The following TET2 variants were observed in gnomAD, a reference collection of about 807,000 sequenced individuals.
TET2 encodes tet methylcytosine dioxygenase 2.
Under a neutral mutation model 142.9 loss-of-function variants are expected in TET2, and 299 were observed. That is an observed-to-expected ratio of 2.09 (90% CI 1.90 to 2.30). TET2 has a LOEUF of 2.30. TET2 is among the 30% of genes most tolerant of loss of function. TET2 has a pLI of 0.00. For missense variants in TET2, 2,418 were observed against 2,378.0 expected, an observed-to-expected ratio of 1.02 and a Z score of -0.35; for synonymous variants, 819 against 849.0, an observed-to-expected ratio of 0.96 and a Z score of 0.61.
Position 105,170,291 on chromosome 4 carries a change from A to G in TET2, c.-192-20069A>G, listed in dbSNP as rs571707993. On this transcript the variant is annotated intron_variant, in intron 1 of 10. Transcript: ENST00000380013. ...CAGCATACCAAACAGTGGCTAGCAC[A>G]TGGTGAGCACTCAATAAATATTTGG... is the stretch of plus-strand genomic sequence containing the variant. Among the ~76,000 whole-genome samples the G allele has an allele frequency of 1.9e-4, 29 of 152,322 alleles. 2 individuals are homozygous for G. In the South Asian group the frequency reaches 6.0e-3, roughly 32 times the overall value.
At chr4:105,193,159 C>T (rs1725886051) in intron 2 of TET2, among the ~76,000 whole-genome samples, 1 of 152,082 alleles carries the variant, frequency 6.6e-6, no homozygotes, top group Non-Finnish European at 1.5e-5. Flanking sequence ...AGGGCATGGC[C>T]TGGATCCTGA....
chr4:105,154,904 AGTT>A (rs1723486484), intron 1 of TET2, among the ~76,000 whole-genome samples: 1 of 152,106 alleles, frequency 6.6e-6, no homozygotes, highest in Non-Finnish European at 1.5e-5. Context: ...ACATCCCTGT[AGTT>A]CCAGGTACTT....
At chr4:105,217,872 A>G (rs994681324) in intron 2 of TET2, among the ~76,000 whole-genome samples, 2 of 151,990 alleles carry the variant, frequency 1.3e-5, no homozygotes, top group African/African-American at 4.8e-5. Context: ...CTGCACTTAT[A>G]AAGAGACATG....
chr4:105,203,584 G>C (rs889768575), intron 2 of TET2, among the ~76,000 whole-genome samples: 2 of 150,060 alleles, frequency 1.3e-5, no homozygotes, highest in African/African-American at 2.5e-5. Flanking sequence ...ACACAGAAGG[G>C]AGTGCCTGGC....
Position 105,275,450 on chromosome 4 carries a change from G to A in TET2, c.4940G>A (p.Gly1647Asp), listed in dbSNP as rs1560573482. The change falls in exon 11 of 11, where the codon GGT becomes GAT. Residue 1647 changes from glycine (G) to aspartate (D), a missense_variant. Physicochemically the swap from Gly to Asp is moderately conservative, Grantham distance 94. Coordinates refer to ENST00000380013, the MANE Select transcript of TET2 (RefSeq NM_001127208.3). ...LSVDNCSPYL[G>D]SYSPQSQPMD... Reference sequence around the variant, plus strand: ...GTGGACAACTGCTCCCCATATCTGGGTTCCTATTCTCCCCAGTCTCAGCCG... The same window carrying A: ...GTGGACAACTGCTCCCCATATCTGGATTCCTATTCTCCCCAGTCTCAGCCG... 6.4e-7 allele frequency: 1 copy of A among 1,551,608 alleles called. No individual in the cohort carries two copies.
Position 105,234,299 on chromosome 4 carries a change from T to C in TET2, c.357T>C (p.Asn119=). Residue 119 remains asparagine, a synonymous_variant, in exon 3 of 11, where the codon AAT becomes AAC. Coordinates refer to ENST00000380013, the MANE Select transcript of TET2 (RefSeq NM_001127208.3). ...IKKLKQDQKA[N]GERRNFGVSQ... ...AATTGAAACAAGACCAAAAGGCTAA[T>C]GGAGAAAGACGTAACTTCGGGGTAA... is the stretch of plus-strand genomic sequence containing the variant. The C allele has an allele frequency of 6.2e-7, 1 of 1,614,084 alleles. No homozygotes were observed. The highest frequency in any genetic ancestry group is 8.5e-7 in the Non-Finnish European group (1 of 1,180,002).
intron 2 of TET2, among the ~76,000 whole-genome samples, chr4:105,208,854 C>G (rs140006049): frequency 1.3e-5 from 2 of 151,382 alleles, no homozygotes; most frequent in African/African-American, 4.8e-5. Flanking sequence ...GTCTTCTTCC[C>G]CCAAAGAACG....
At chr4:105,212,781 G>C (rs1027970433) in intron 2 of TET2, among the ~76,000 whole-genome samples, 2 of 152,136 alleles carry the variant, frequency 1.3e-5, no homozygotes, top group Admixed American at 1.3e-4. Flanking sequence ...CCTGAAGTCA[G>C]GAGTTCAAAA....
intron 8 of TET2, among the ~76,000 whole-genome samples, chr4:105,265,539 G>A (rs887865958): frequency 2.0e-5 from 3 of 152,120 alleles, no homozygotes; most frequent in African/African-American, 4.8e-5. Flanking sequence ...TGAACTGAAC[G>A]GCCACAAAGC....
chr4:105,189,411 CAA>C (rs756020173), intron 1 of TET2, among the ~76,000 whole-genome samples: 4 of 152,168 alleles, frequency 2.6e-5, no homozygotes, highest in Non-Finnish European at 4.4e-5. Flanking sequence ...GCCATTTTAT[CAA>C]AACTCTTTAG....
chr4:105,239,074 G>GTTTTTTTGTTTTTTT (rs60653050), intron 3 of TET2: 5 of 211,966 alleles, frequency 2.4e-5, no homozygotes, highest in Non-Finnish European at 9.9e-6. Context: ...TTTGTTTTTT[G>GTTTTTTTGTTTTTTT]TTTTTTTTTT....
chr4:105,237,093 C>T lies in TET2; in HGVS notation c.3151C>T (p.Gln1051Ter), dbSNP rs763695427. ...CCATAAGGCTCTTACTCTCAAATCA[C>T]AGAAGCAAGTAAAAGTTGAAATGTC... is the stretch of plus-strand genomic sequence containing the variant. ...FDHKALTLKS[Q>*]KQVKVEMSGP... is the part of the protein sequence containing the mutation. Residue 1051 changes from glutamine to a stop codon, truncating the protein, a stop_gained, in exon 3 of 11, where the codon CAG (glutamine) becomes TAG (stop). Coordinates refer to ENST00000380013, the MANE Select transcript of TET2 (RefSeq NM_001127208.3). LOFTEE classifies it high-confidence loss of function. 3.1e-6 allele frequency: 5 copies of T among 1,614,142 alleles called. No individual in the cohort carries two copies. The highest frequency in any genetic ancestry group is 2.2e-5 in the South Asian group (2 of 91,084).
intron 1 of TET2, among the ~76,000 whole-genome samples, chr4:105,162,406 T>C (rs1168151997): frequency 6.6e-6 from 1 of 152,222 alleles, no homozygotes; most frequent in African/African-American, 2.4e-5. Flanking sequence ...AAGAAAGCAC[T>C]GGCCTGACTG....
chr4:105,221,958 T>C (rs1178414261), intron 2 of TET2, among the ~76,000 whole-genome samples: 3 of 147,930 alleles, frequency 2.0e-5, no homozygotes, highest in African/African-American at 7.6e-5. Flanking sequence ...AGTGAGAATA[T>C]GCGGTGTTTG....
rs779226820 is a variant in TET2, at chr4:105,236,208, A to C, written c.2266A>C (p.Ile756Leu). The change falls in exon 3 of 11, where the codon ATA (isoleucine) becomes CTA (leucine). Residue 756 changes from isoleucine (I) to leucine (L), a missense_variant. By Grantham distance (5) the Ile-to-Leu change is conservative. Coordinates refer to ENST00000380013, the MANE Select transcript of TET2 (RefSeq NM_001127208.3). Reference sequence around the variant, plus strand: ...ATTACAAATAAAGAATAAAGAGGAAATACTCCAGACTTTTCCTCACCCCCA... The same window carrying C: ...ATTACAAATAAAGAATAAAGAGGAACTACTCCAGACTTTTCCTCACCCCCA... Reference protein sequence around the residue: ...QKLQIKNKEEILQTFPHPQSN... With the variant: ...QKLQIKNKEELLQTFPHPQSN... 1.9e-6 allele frequency: 3 copies of C among 1,614,128 alleles called. No homozygotes were observed. The highest frequency in any genetic ancestry group is 1.1e-5 in the South Asian group (1 of 91,084).
intron 2 of TET2, among the ~76,000 whole-genome samples, chr4:105,208,180 A>C (rs1726937280): frequency 6.6e-6 from 1 of 152,112 alleles, no homozygotes; most frequent in South Asian, 2.1e-4. Flanking sequence ...CCAACTTTTC[A>C]TTCTCTTTAC....
At chr4:105,200,829 T>C (rs1369816709) in intron 2 of TET2, among the ~76,000 whole-genome samples, 1 of 151,968 alleles carries the variant, frequency 6.6e-6, no homozygotes, top group Non-Finnish European at 1.5e-5. Context: ...CCCAGCTAAT[T>C]TTTGTATTTT....
At chr4:105,152,291 AAAT>A (rs1195668464) in intron 1 of TET2, among the ~76,000 whole-genome samples, 3 of 152,250 alleles carry the variant, frequency 2.0e-5, no homozygotes, top group African/African-American at 2.4e-5. Flanking sequence ...AAAAAAAGAA[AAAT>A]AATAATAATA....
intron 2 of TET2, among the ~76,000 whole-genome samples, chr4:105,225,224 G>A (rs937207370): frequency 7.2e-6 from 1 of 138,612 alleles, no homozygotes; most frequent in African/African-American, 2.8e-5. Context: ...TGAATAATGA[G>A]CTATGTGTTA....
Sources: gnomAD v4.1 joint callset for allele counts (sites outside exome capture counted in the v4.1 genomes callset) on GRCh38, gnomAD v4.1.1 for gene constraint, MANE v1.5 for transcripts, NCBI Gene and HGNC (gene_info 2026-07-23, HGNC 2026-07-21) for gene names.